The following GCNT1 variants were observed in gnomAD, a reference collection of about 807,000 sequenced individuals.
GCNT1 encodes the protein glucosaminyl (N-acetyl) transferase 1.
Under a neutral mutation model 26.2 loss-of-function variants are expected in GCNT1, and 16 were observed. The ratio of observed to expected loss-of-function variants is 0.61; its 90% CI spans 0.41 to 0.93. The LOEUF is 0.93. Ranked by LOEUF, GCNT1 falls within the 40% of genes least tolerant of loss-of-function variation. GCNT1 has a pLI of 0.00. For synonymous variants in GCNT1, 183 were observed against 190.8 expected (o/e 0.96, Z 0.34); for missense variants, 477 against 526.7 (o/e 0.91, Z 0.92).
At chr9:76,455,279 G>A (rs181344701), upstream of GCNT1, among the ~76,000 whole-genome samples, 93 of 152,248 alleles carry the variant, frequency 6.1e-4, no homozygotes, top group African/African-American at 2.1e-3. Flanking sequence ...TAGATTAAAG[G>A]GCAAAGACCT....
intron 1 of GCNT1, among the ~76,000 whole-genome samples, chr9:76,430,117 G>T (rs910601804): frequency 1.3e-5 from 2 of 152,134 alleles, no homozygotes; most frequent in Admixed American, 6.5e-5. Context: ...CTAGCCTTTG[G>T]TGGCAAAAGA....
intron 1 of GCNT1, among the ~76,000 whole-genome samples, chr9:76,459,619 T>G (rs1823828356): frequency 6.6e-6 from 1 of 152,136 alleles, no homozygotes; most frequent in Non-Finnish European, 1.5e-5. Flanking sequence ...GCTGCGGGCG[T>G]GGATAGGCAG....
chr9:76,474,862 T>A (rs1384914476), intron 2 of GCNT1, among the ~76,000 whole-genome samples: 6 of 152,240 alleles, frequency 3.9e-5, no homozygotes, highest in African/African-American at 1.4e-4. Flanking sequence ...AAAAAGAAGA[T>A]CCTCACTGAA....
At chr9:76,414,518 A>AGG in the GCNT1 span, among the ~76,000 whole-genome samples, 1 of 152,214 alleles carries the variant, frequency 6.6e-6, no homozygotes, top group African/African-American at 2.4e-5. Flanking sequence ...CAGAGCAACC[A>AGG]GGGGGCTGCT....
At chr9:76,465,155 G>GGT (rs1554733358) in intron 2 of GCNT1, among the ~76,000 whole-genome samples, 2 of 144,998 alleles carry the variant, frequency 1.4e-5, no homozygotes, top group Non-Finnish European at 3.0e-5. Context: ...TCTGATTTGA[G>GGT]TTTTTTTTTT....
intron 1 of GCNT1, among the ~76,000 whole-genome samples, chr9:76,459,728 C>T (rs1445758086): frequency 6.6e-6 from 1 of 152,148 alleles, no homozygotes; most frequent in Non-Finnish European, 1.5e-5. Context: ...TGCATTTTCA[C>T]CCCTACTTTA....
At chr9:76,493,397 A>T (rs1446089239) in intron 2 of GCNT1, among the ~76,000 whole-genome samples, 1 of 152,216 alleles carries the variant, frequency 6.6e-6, no homozygotes, top group African/African-American at 2.4e-5. Flanking sequence ...ATCTAACAAT[A>T]GCATGACATC....
At chr9:76,400,796 G>A in the GCNT1 span, among the ~76,000 whole-genome samples, 4 of 152,134 alleles carry the variant, frequency 2.6e-5, no homozygotes, top group Admixed American at 6.5e-5. Context: ...TGTGTGAATC[G>A]ACTAAACAGA....
chr9:76,477,988 G>A (rs1300740904), intron 2 of GCNT1, among the ~76,000 whole-genome samples: 1 of 152,180 alleles, frequency 6.6e-6, no homozygotes, highest in African/African-American at 2.4e-5. Context: ...CTAGCTCAAA[G>A]ATTGTAAACG....
intron 1 of GCNT1, among the ~76,000 whole-genome samples, chr9:76,435,896 C>T (rs1823400150): frequency 6.6e-6 from 1 of 151,570 alleles, no homozygotes; most frequent in Admixed American, 6.6e-5. Flanking sequence ...TACATTCAAT[C>T]CTGGAGCACT....
Position 76,502,661 on chromosome 9 carries a change from A to G in GCNT1, c.280A>G (p.Ile94Val), listed in dbSNP as rs1377517186. The change falls in exon 4 of 4, where the codon ATA becomes GTA. Residue 94 changes from isoleucine (I) to valine (V), a missense_variant. By Grantham distance (29) the Ile-to-Val change is conservative (BLOSUM62 3). Transcript: ENST00000376730. ...CCCTCGGTGGACACCTGACGACTAT[A>G]TAAACATGACCAGTGACTGTTCTTC... ...KRPRWTPDDYINMTSDCSSFI... is the reference protein window; with the variant it reads ...KRPRWTPDDYVNMTSDCSSFI... 6.2e-7 allele frequency: 1 copy of G among 1,614,216 alleles called. No homozygotes were observed. Among genetic ancestry groups the G allele is most frequent in the Admixed American group, 1.7e-5 (1 of 60,034 alleles).
chr9:76,444,609 C>T (rs1823545028), intron 1 of GCNT1, among the ~76,000 whole-genome samples: 1 of 152,182 alleles, frequency 6.6e-6, no homozygotes, highest in South Asian at 2.1e-4. Flanking sequence ...TGGACAGGGG[C>T]AGTTTCCCTA....
At chr9:76,494,017 G>A in intron 2 of GCNT1, among the ~76,000 whole-genome samples, 1 of 152,056 alleles carries the variant, frequency 6.6e-6, no homozygotes, top group East Asian at 1.9e-4. Context: ...GCCTGTTGAT[G>A]CCTGAGTGTT....
At chr9:76,448,194 G>A (rs1263771544) in intron 1 of GCNT1, among the ~76,000 whole-genome samples, 1 of 152,208 alleles carries the variant, frequency 6.6e-6, no homozygotes, top group African/African-American at 2.4e-5. Flanking sequence ...GCTCGCGCCT[G>A]TAATCCAAGC....
At chr9:76,422,313 C>T (rs1449806959) in intron 1 of GCNT1, among the ~76,000 whole-genome samples, 2 of 152,172 alleles carry the variant, frequency 1.3e-5, no homozygotes, top group African/African-American at 4.8e-5. Context: ...AAGAGATCCA[C>T]CCGCCTCGGC....
At position 76,503,210 on chromosome 9, in the gene GCNT1, C is replaced by G. The variant is rs1283368668; in HGVS notation, c.829C>G (p.Pro277Ala). Reference sequence around the variant, plus strand: ...CACAGGGACTGTCAAAATGCTTCCTCCACTCGAAACACCTCTCTTTTCTGG... The same window carrying G: ...CACAGGGACTGTCAAAATGCTTCCTGCACTCGAAACACCTCTCTTTTCTGG... ...TNTGTVKMLP[P>A]LETPLFSGSA... is the part of the protein sequence containing the mutation. Residue 277 changes from proline (P) to alanine (A), a missense_variant, in exon 4 of 4, where the codon CCA (proline) becomes GCA (alanine). By Grantham distance (27) the Pro-to-Ala change is conservative. Transcript: ENST00000376730. The G allele has an allele frequency of 6.2e-7, 1 of 1,614,028 alleles. No homozygotes were observed. Among genetic ancestry groups the G allele is most frequent in the African/African-American group, 1.3e-5 (1 of 74,880 alleles).
intron 1 of GCNT1, chr9:76,419,925 A>G (rs1164652986): frequency 6.6e-6 from 1 of 152,254 alleles, no homozygotes. Flanking sequence ...CATGGCTCCT[A>G]CAAAGCTGGC....
intron 2 of GCNT1, among the ~76,000 whole-genome samples, chr9:76,465,423 CTAA>C (rs759148788): frequency 1.3e-5 from 2 of 152,142 alleles, no homozygotes; most frequent in African/African-American, 2.4e-5. Flanking sequence ...CGCACCTGGC[CTAA>C]TTTGAGTTTG....
At chr9:76,477,650 A>G (rs1338558229) in intron 2 of GCNT1, among the ~76,000 whole-genome samples, 1 of 152,206 alleles carries the variant, frequency 6.6e-6, no homozygotes, top group Non-Finnish European at 1.5e-5. Context: ...AGAGACTGAA[A>G]ACTCCCAAGG....
Sources: allele counts gnomAD v4.1 joint callset (sites outside exome capture counted in the v4.1 genomes callset), GRCh38; gene constraint gnomAD v4.1.1; transcripts MANE v1.5; gene names NCBI Gene and HGNC (gene_info 2026-07-23, HGNC 2026-07-21).